Variants in ABHD18 observed in about 807,000 individuals in gnomAD.
ABHD18 encodes abhydrolase domain containing 18, also known as cardiolipin-specific deacylase, mitochondrial.
ABHD18 carries 55 observed loss-of-function variants against 65.9 expected under a neutral mutation model. That is an observed-to-expected ratio of 0.84 (90% CI 0.67 to 1.05). The LOEUF is 1.05. Among genes scored for constraint, ABHD18 ranks in the 50% least tolerant of loss-of-function variants. ABHD18 has a pLI of 0.00. For synonymous variants in ABHD18, 181 were observed against 180.2 expected (o/e 1.00, Z -0.04); for missense variants, 533 against 558.5 (o/e 0.95, Z 0.46).
chr4:127,980,177 A>G (rs1476575270), intron 1 of ABHD18, among the ~76,000 whole-genome samples: 1 of 152,162 alleles, frequency 6.6e-6, no homozygotes, highest in Non-Finnish European at 1.5e-5. Context: ...ATCCTCATGG[A>G]TGGATTAATG....
chr4:127,990,407 A>G (rs914155271), intron 4 of ABHD18, among the ~76,000 whole-genome samples: 2 of 152,104 alleles, frequency 1.3e-5, no homozygotes, highest in Non-Finnish European at 1.5e-5. Context: ...TACTGAAAAC[A>G]CAAACAATTA....
At chr4:128,019,399 G>T (rs1249058166) in intron 8 of ABHD18, among the ~76,000 whole-genome samples, 2 of 152,000 alleles carry the variant, frequency 1.3e-5, no homozygotes, top group Non-Finnish European at 2.9e-5. Context: ...GAAGTATATT[G>T]GCTGTTTCCC....
At chr4:128,000,434 A>G (rs1225136537) in intron 4 of ABHD18, among the ~76,000 whole-genome samples, 1 of 152,132 alleles carries the variant, frequency 6.6e-6, no homozygotes, top group African/African-American at 2.4e-5. Flanking sequence ...AGGTGGTTAT[A>G]GGTGTGTGGC....
intron 2 of ABHD18, among the ~76,000 whole-genome samples, chr4:127,983,406 T>C (rs1009781913): frequency 1.3e-5 from 2 of 152,196 alleles, no homozygotes; most frequent in Non-Finnish European, 2.9e-5. Flanking sequence ...GAAACTGGAA[T>C]ACTCCGTAGC....
intron 4 of ABHD18, among the ~76,000 whole-genome samples, chr4:127,994,915 T>G (rs1482707437): frequency 6.6e-6 from 1 of 152,178 alleles, no homozygotes; most frequent in Non-Finnish European, 1.5e-5. Context: ...AGTCTCACTC[T>G]GTTGCCCAGG....
At chr4:128,027,929 A>T (rs1418996482) in intron 10 of ABHD18, among the ~76,000 whole-genome samples, 1 of 152,218 alleles carries the variant, frequency 6.6e-6, no homozygotes, top group Non-Finnish European at 1.5e-5. Flanking sequence ...CATTTATCTT[A>T]GTCGTGAGTT....
At chr4:128,025,882 G>T (rs1757266231) in intron 10 of ABHD18, among the ~76,000 whole-genome samples, 1 of 152,206 alleles carries the variant, frequency 6.6e-6, no homozygotes, top group African/African-American at 2.4e-5. Flanking sequence ...GTTTGGCTGG[G>T]CACGACGGCT....
intron 1 of ABHD18, among the ~76,000 whole-genome samples, chr4:127,976,351 C>A (rs1473000942): frequency 6.6e-6 from 1 of 151,070 alleles, no homozygotes; most frequent in East Asian, 1.9e-4. Context: ...ATTAAGCAAA[C>A]GCCCAAGAAA....
In ABHD18 at chr4:128,028,887, C is replaced by T. The variant is rs1191083920; in HGVS notation, c.1180+34C>T. On this transcript the variant is annotated intron_variant, in intron 11 of 12. Coordinates refer to ENST00000645843, the MANE Select transcript of ABHD18 (RefSeq NM_001358451.3). ...TTTTATATGAAATTGAGAATATTTG[C>T]TGATGTGTAAGTATTTGTGAAATAT... 3 of 1,444,352 alleles carry T rather than the reference C, an allele frequency of 2.1e-6. No individual in the cohort carries two copies. In the South Asian group the frequency reaches 4.3e-5, roughly 21 times the overall value. 89.5% of individuals were successfully genotyped at this position (1,444,352 alleles called of 1,614,324 possible).
chr4:127,971,092 A>G (rs1043890498), intron 1 of ABHD18, among the ~76,000 whole-genome samples: 3 of 150,572 alleles, frequency 2.0e-5, no homozygotes, highest in Admixed American at 1.3e-4. Flanking sequence ...AAAAAAAAAG[A>G]AAGAAATTAG....
chr4:127,980,078 C>G (rs967202756), intron 1 of ABHD18, among the ~76,000 whole-genome samples: 1 of 152,156 alleles, frequency 6.6e-6, no homozygotes, highest in East Asian at 1.9e-4. Context: ...AATGTGTTCC[C>G]GATAGTTCAC....
At position 128,008,964 on chromosome 4, in the gene ABHD18, C is replaced by A. The variant is rs1475159428; in HGVS notation, c.323C>A (p.Pro108His). 2 of 1,610,996 alleles carry A rather than the reference C, an allele frequency of 1.2e-6. No homozygotes were observed. The highest frequency in any genetic ancestry group is 1.7e-6 in the Non-Finnish European group (2 of 1,178,886). Reference sequence around the variant, plus strand: ...AAAGAATGGAACAGCAAATATAGACCTGTATGCATTCATCTTGCTGGAACA... The same window carrying A: ...AAAGAATGGAACAGCAAATATAGACATGTATGCATTCATCTTGCTGGAACA... ...VPKEWNSKYR[P>H]VCIHLAGTGD... Residue 108 changes from proline (P) to histidine (H), a missense_variant, in exon 5 of 13, where the codon CCT becomes CAT. By Grantham distance (77) the Pro-to-His change is moderately conservative. Around this residue, in one of 3 missense-constraint regions of ABHD18, gnomAD observed 309 missense variants for 313.5 expected, o/e 0.99. Coordinates refer to ENST00000645843, the MANE Select transcript of ABHD18 (RefSeq NM_001358451.3).
In ABHD18 at chr4:127,993,066, C is replaced by G. The variant is rs576106422; in HGVS notation, c.278+3245C>G. Among the ~76,000 whole-genome samples the G allele has an allele frequency of 3.9e-5, 6 of 151,954 alleles. No individual in the cohort carries two copies. The South Asian group carries it at 1.2e-3, about 32-fold the overall frequency. The stretch of plus-strand genomic sequence containing the variant: ...CCCAGCCTGGGTGACAGAGCAAGAC[C>G]CTGTGTCAAAAAAAAAATTTTTTTT... On this transcript the variant is annotated intron_variant, in intron 4 of 12. Transcript: ENST00000645843.
chr4:127,969,248 C>G (rs1746267723), intron 1 of ABHD18, among the ~76,000 whole-genome samples: 1 of 148,880 alleles, frequency 6.7e-6, no homozygotes, highest in Non-Finnish European at 1.5e-5. Flanking sequence ...GTTGCCCAGG[C>G]TGGAGTGCAA....
intron 1 of ABHD18, among the ~76,000 whole-genome samples, chr4:127,970,917 A>G (rs1746642597): frequency 6.6e-6 from 1 of 152,000 alleles, no homozygotes. Context: ...TCTACTAAAA[A>G]TACAAAAATT....
chr4:128,035,266 G>A (rs553866680), intron 12 of ABHD18, among the ~76,000 whole-genome samples: 1 of 152,256 alleles, frequency 6.6e-6, no homozygotes, highest in South Asian at 2.1e-4. Context: ...AAAAGATAAT[G>A]CTTTTAGATC....
At chr4:127,973,125 C>T (rs545176028) in intron 1 of ABHD18, among the ~76,000 whole-genome samples, 6 of 152,126 alleles carry the variant, frequency 3.9e-5, no homozygotes, top group Admixed American at 3.9e-4. Context: ...GCAATCCTCC[C>T]GCCTCAGCCT....
At chr4:127,999,036 C>T (rs774708131) in intron 4 of ABHD18, among the ~76,000 whole-genome samples, 18 of 151,500 alleles carry the variant, frequency 1.2e-4, no homozygotes, top group South Asian at 2.1e-4. Context: ...CATTATTATA[C>T]GCAGACTTTC....
intron 4 of ABHD18, among the ~76,000 whole-genome samples, chr4:128,003,208 A>C (rs372724933): frequency 1.3e-5 from 2 of 151,728 alleles, no homozygotes; most frequent in South Asian, 2.1e-4. Flanking sequence ...CTCTACTATA[A>C]ATACAAAAAT....
Sources: allele counts gnomAD v4.1 joint callset (sites outside exome capture counted in the v4.1 genomes callset), GRCh38; gene constraint gnomAD v4.1.1; regional missense constraint gnomAD v4.1.1; transcripts MANE v1.5; gene names NCBI Gene and HGNC (gene_info 2026-07-23, HGNC 2026-07-21).